Variants in SIPA1L2 observed in about 807,000 individuals in gnomAD.
SIPA1L2 encodes the protein signal-induced proliferation-associated 1-like protein 2.
SIPA1L2 carries 56 observed loss-of-function variants against 163.9 expected under a neutral mutation model. The observed-to-expected ratio is 0.34, with a 90% CI of 0.28 to 0.43. The LOEUF is 0.43. SIPA1L2 is among the 20% of genes least tolerant of loss of function. The probability of loss-of-function intolerance (pLI) is 1.00; values close to 1 mark genes in which losing one functional copy is unlikely to be tolerated. For missense variants in SIPA1L2, 1,974 were observed against 2,193.5 expected (o/e 0.90, Z 2.00); for synonymous variants, 877 against 865.7 (o/e 1.01, Z -0.23).
intron 15 of SIPA1L2, 88 bp from the exon 16 acceptor site, chr1:232,432,559 TC>T (rs1461444620): frequency 1.6e-6 from 2 of 1,251,088 alleles, no homozygotes; most frequent in Non-Finnish European, 2.3e-6. Context: ...AAGGCTTTAC[TC>T]AAGTCTTTCT....
intron 2 of SIPA1L2, among the ~76,000 whole-genome samples, chr1:232,547,975 A>C (rs2103126450): frequency 6.6e-6 from 1 of 152,324 alleles, no homozygotes; most frequent in South Asian, 2.1e-4. Context: ...CTCCTGATAC[A>C]CAACAGCACA....
In SIPA1L2 at chr1:232,629,910, C is replaced by T. The variant is rs1471420961; in HGVS notation, c.-360G>A. Among the ~76,000 whole-genome samples the T allele has an allele frequency of 6.6e-6, 1 of 151,308 alleles. No homozygotes were observed. The highest frequency in any genetic ancestry group is 1.5e-5 in the Non-Finnish European group (1 of 67,614). Reference sequence around the variant, plus strand: ...GCCGGAACCTGCTACAGCCTGTGCGCGCCGGGCGGCGCGTACCCGGGCTGC... The same window carrying T: ...GCCGGAACCTGCTACAGCCTGTGCGTGCCGGGCGGCGCGTACCCGGGCTGC... On this transcript the variant is annotated 5_prime_UTR_variant, in exon 1 of 23. Coordinates refer to ENST00000674635, the MANE Select transcript of SIPA1L2 (RefSeq NM_020808.5).
intron 1 of SIPA1L2, among the ~76,000 whole-genome samples, chr1:232,581,707 A>C (rs1197791627): frequency 1.8e-4 from 28 of 152,122 alleles, no homozygotes. Context: ...TACCTTCGTA[A>C]CTCAACTTCC....
At chr1:232,436,692 TC>T (rs1337173782) in intron 15 of SIPA1L2, among the ~76,000 whole-genome samples, 1 of 152,206 alleles carries the variant, frequency 6.6e-6, no homozygotes, top group African/African-American at 2.4e-5. Context: ...GATAGGTTGG[TC>T]CCTCGTCCTC....
chr1:232,514,773 G>C lies in SIPA1L2; in HGVS notation c.567C>G (p.His189Gln). The C allele has an allele frequency of 6.2e-7, 1 of 1,614,198 alleles. No individual in the cohort carries two copies. Among genetic ancestry groups the C allele is most frequent in the Non-Finnish European group, 8.5e-7 (1 of 1,180,038 alleles). The change falls in exon 3 of 23, where the codon CAC (histidine) becomes CAG (glutamine). Residue 189 changes from histidine to glutamine, a missense_variant. Physicochemically the swap from His to Gln is conservative, Grantham distance 24 (BLOSUM62 0). Around this residue, in one of 3 missense-constraint regions of SIPA1L2, gnomAD observed 607 missense variants for 624.0 expected, o/e 0.97. Coordinates refer to ENST00000674635, the MANE Select transcript of SIPA1L2 (RefSeq NM_020808.5). ...AVNPNTGAAL[H>Q]REYGSTSSID... ...TGGATGAAGTACTTCCATACTCCCT[G>C]TGCAGGGCAGCCCCGGTGTTGGGGT...
chr1:232,421,314 G>C (rs754770035), intron 18 of SIPA1L2, among the ~76,000 whole-genome samples: 1 of 152,068 alleles, frequency 6.6e-6, no homozygotes. Flanking sequence ...TCTGGCTTGC[G>C]CACCTGCTCA....
At chr1:232,623,924 T>C (rs1196219638) in intron 1 of SIPA1L2, among the ~76,000 whole-genome samples, 1 of 152,082 alleles carries the variant, frequency 6.6e-6, no homozygotes, top group Non-Finnish European at 1.5e-5. Context: ...CAGTGGTCTC[T>C]ACACAGGGGC....
At chr1:232,522,357 C>G (rs1667494598) in intron 2 of SIPA1L2, among the ~76,000 whole-genome samples, 1 of 152,118 alleles carries the variant, frequency 6.6e-6, no homozygotes, top group Non-Finnish European at 1.5e-5. Context: ...CATGCACTAC[C>G]TCTGCCCACA....
At chr1:232,420,727 C>A (rs755985079) in intron 18 of SIPA1L2, among the ~76,000 whole-genome samples, 5 of 152,052 alleles carry the variant, frequency 3.3e-5, no homozygotes, top group Admixed American at 6.5e-5. Context: ...CCCAGCTACT[C>A]GGGGGGCTGA....
chr1:232,404,985 G>A (rs1031060706), intron 19 of SIPA1L2, among the ~76,000 whole-genome samples: 2 of 152,186 alleles, frequency 1.3e-5, no homozygotes, highest in African/African-American at 4.8e-5. Context: ...ACTTGGATCC[G>A]TGTCAGGGGT....
chr1:232,546,678 G>C (rs548987275), intron 2 of SIPA1L2, among the ~76,000 whole-genome samples: 1 of 152,310 alleles, frequency 6.6e-6, no homozygotes, highest in Non-Finnish European at 1.5e-5. Context: ...GGCTGTTTCA[G>C]GAACTGTGTA....
intron 2 of SIPA1L2, among the ~76,000 whole-genome samples, chr1:232,530,469 T>G (rs1325184053): frequency 6.6e-6 from 1 of 152,126 alleles, no homozygotes; most frequent in Non-Finnish European, 1.5e-5. Flanking sequence ...ATGGAGTTTC[T>G]CCTTTAAGCA....
chr1:232,428,418 C>T lies in SIPA1L2; in HGVS notation c.4403G>A (p.Arg1468Gln), dbSNP rs772401393. ...GCTCCCTAAGTCACTAACCTTTCTT[C>T]GCCCCTCCTCCACTAAGGGGCTGTC... The part of the protein sequence containing the change: ...LPDSPLVEEG[R>Q]RKFSFYGNLS... The change falls in exon 17 of 23, where the codon CGA becomes CAA. Residue 1468 changes from arginine (R) to glutamine (Q), a missense_variant. Transcript: ENST00000674635. 31 of 1,507,742 alleles carry T rather than the reference C, an allele frequency of 2.1e-5. No individual in the cohort carries two copies. The highest frequency in any genetic ancestry group is 1.9e-4 in the South Asian group (14 of 75,014). The allele number at this position is 1,507,742 out of a possible 1,614,324, so 93.4% of individuals were successfully genotyped here.
chr1:232,574,286 T>C (rs1659959845), intron 1 of SIPA1L2, among the ~76,000 whole-genome samples, 64 bp from the exon 2 acceptor site: 7 of 152,336 alleles, frequency 4.6e-5, no homozygotes, highest in Admixed American at 4.6e-4. Flanking sequence ...AGTTTCAACA[T>C]GTGGTCTGAG....
At chr1:232,423,817 TATCA>T (rs1661718075) in intron 18 of SIPA1L2, among the ~76,000 whole-genome samples, 1 of 152,128 alleles carries the variant, frequency 6.6e-6, no homozygotes. Context: ...AGAAATGAGC[TATCA>T]AACCATGAAA....
chr1:232,570,518 A>G (rs1659659510), intron 2 of SIPA1L2, among the ~76,000 whole-genome samples: 1 of 152,144 alleles, frequency 6.6e-6, no homozygotes, highest in African/African-American at 2.4e-5. Flanking sequence ...ATTGAACTTC[A>G]TTCATACTTT....
At chr1:232,526,548 C>T (rs190049691) in intron 2 of SIPA1L2, among the ~76,000 whole-genome samples, 355 of 152,286 alleles carry the variant, frequency 2.3e-3, no homozygotes, top group African/African-American at 4.8e-3. Context: ...TGGCAGGAGG[C>T]GGAGCTCAGG....
chr1:232,484,557 G>A (rs12402321), intron 5 of SIPA1L2, among the ~76,000 whole-genome samples: 38,318 of 152,020 alleles, frequency 0.25, 4,953 homozygotes, highest in Admixed American at 0.35. Flanking sequence ...TCTGGCTTAC[G>A]ATTACATTCA....
At chr1:232,560,057 G>A (rs1002188387) in intron 2 of SIPA1L2, among the ~76,000 whole-genome samples, 1 of 152,162 alleles carries the variant, frequency 6.6e-6, no homozygotes, top group South Asian at 2.1e-4. Context: ...CTCACACACA[G>A]AACTGTTGGA....
Sources: gnomAD v4.1 joint callset for allele counts (sites outside exome capture counted in the v4.1 genomes callset) on GRCh38, gnomAD v4.1.1 for gene constraint, gnomAD v4.1.1 regional missense constraint, MANE v1.5 for transcripts, NCBI Gene and HGNC (gene_info 2026-07-23, HGNC 2026-07-21) for gene names.